Variants in MSRB3 observed in about 807,000 individuals in gnomAD.
The protein encoded by MSRB3 is methionine sulfoxide reductase B3.
A neutral mutation model predicts 21.0 loss-of-function variants in MSRB3; 13 were observed. The observed-to-expected ratio is 0.62, with a 90% confidence interval of 0.40 to 0.98. The LOEUF (loss-of-function observed/expected upper bound fraction) is 0.98. MSRB3 is among the 50% of genes least tolerant of loss of function. The pLI is 0.00. For missense variants in MSRB3, 199 were observed against 230.3 expected, an observed-to-expected ratio of 0.86 and a Z score of 0.88; for synonymous variants, 87 against 88.6, an observed-to-expected ratio of 0.98 and a Z score of 0.10.
At chr12:65,459,096 CACTTA>C (rs1489588741) in intron 6 of MSRB3, among the ~76,000 whole-genome samples, 2 of 144,250 alleles carry the variant, frequency 1.4e-5, no homozygotes, top group Admixed American at 1.4e-4. Flanking sequence ...ACTAATAAAT[CACTTA>C]ACTTTTTGTA....
At chr12:65,340,856 A>G (rs566598605) in intron 4 of MSRB3, among the ~76,000 whole-genome samples, 2 of 152,212 alleles carry the variant, frequency 1.3e-5, no homozygotes, top group African/African-American at 4.8e-5. Flanking sequence ...TCTAAAAATA[A>G]AATAATATAC....
chr12:65,369,683 A>G (rs1878213438), intron 5 of MSRB3, among the ~76,000 whole-genome samples: 1 of 152,164 alleles, frequency 6.6e-6, no homozygotes, highest in Non-Finnish European at 1.5e-5. Context: ...ATGTGCTTCA[A>G]AGTTTCTGAT....
intron 4 of MSRB3, among the ~76,000 whole-genome samples, chr12:65,333,607 C>CAG (rs1272914623): frequency 6.6e-6 from 1 of 152,134 alleles, no homozygotes; most frequent in African/African-American, 2.4e-5. Flanking sequence ...CCTTGGATGC[C>CAG]AGAGAAGGCA....
chr12:65,444,609 T>A (rs891875385), intron 5 of MSRB3, among the ~76,000 whole-genome samples: 3 of 152,196 alleles, frequency 2.0e-5, no homozygotes, highest in Non-Finnish European at 4.4e-5. Context: ...AACCTCATTG[T>A]GTTCTTCCTG....
At chr12:65,443,777 G>A (rs768394689) in intron 5 of MSRB3, among the ~76,000 whole-genome samples, 1 of 151,596 alleles carries the variant, frequency 6.6e-6, no homozygotes, top group African/African-American at 2.4e-5. Flanking sequence ...TCACATTGTT[G>A]TGCAACCATC....
chr12:65,360,460 G>A (rs1011340857), intron 4 of MSRB3, among the ~76,000 whole-genome samples: 1 of 151,974 alleles, frequency 6.6e-6, no homozygotes, highest in Non-Finnish European at 1.5e-5. Context: ...TATCAACAAG[G>A]CCTAGGGAAG....
intron 5 of MSRB3, among the ~76,000 whole-genome samples, chr12:65,376,788 C>G (rs1878649592): frequency 6.6e-6 from 1 of 151,978 alleles, no homozygotes; most frequent in Non-Finnish European, 1.5e-5. Flanking sequence ...ATGTAACAAA[C>G]CTGCATGTTC....
chr12:65,462,602 G>C (rs1162134743), intron 6 of MSRB3, among the ~76,000 whole-genome samples: 1 of 152,184 alleles, frequency 6.6e-6, no homozygotes, highest in Non-Finnish European at 1.5e-5. Flanking sequence ...TACATTTGCA[G>C]CCCTGGTGAC....
chr12:65,407,646 TC>T (rs1271509685), intron 5 of MSRB3, among the ~76,000 whole-genome samples: 1 of 152,220 alleles, frequency 6.6e-6, no homozygotes, highest in Admixed American at 6.5e-5. Flanking sequence ...TTTTCTCTGT[TC>T]CTTTTTGTCT....
intron 5 of MSRB3, among the ~76,000 whole-genome samples, chr12:65,434,721 A>G (rs777431431): frequency 2.6e-5 from 4 of 151,922 alleles, no homozygotes; most frequent in Admixed American, 6.6e-5. Flanking sequence ...AGTAAATAGG[A>G]GGCTCTTAAA....
chr12:65,376,441 C>G (rs1025077807), intron 5 of MSRB3, among the ~76,000 whole-genome samples: 2 of 152,288 alleles, frequency 1.3e-5, no homozygotes, highest in East Asian at 1.9e-4. Context: ...ATTACCATCC[C>G]TGTGTTGTCA....
At chr12:65,362,442 G>C (rs1317256221) in intron 4 of MSRB3, among the ~76,000 whole-genome samples, 1 of 152,124 alleles carries the variant, frequency 6.6e-6, no homozygotes, top group Admixed American at 6.6e-5. Flanking sequence ...GGGTTGCCAT[G>C]ATTGGCTTAG....
intron 3 of MSRB3, among the ~76,000 whole-genome samples, chr12:65,327,213 C>T (rs973723597): frequency 6.6e-6 from 1 of 152,158 alleles, no homozygotes; most frequent in Admixed American, 6.5e-5. Context: ...GTGGAAGTAA[C>T]AGCGATTTAG....
intron 1 of MSRB3, among the ~76,000 whole-genome samples, chr12:65,301,410 C>A (rs974064738): frequency 6.6e-6 from 1 of 152,142 alleles, no homozygotes; most frequent in African/African-American, 2.4e-5. Context: ...TAGGTAAAAT[C>A]TACACGGAAA....
chr12:65,394,009 G>A (rs1222042448), intron 5 of MSRB3, among the ~76,000 whole-genome samples: 1 of 151,862 alleles, frequency 6.6e-6, no homozygotes, highest in Non-Finnish European at 1.5e-5. Flanking sequence ...AAATAAGTAA[G>A]GTAAATTACT....
chr12:65,310,038 A>G (rs1487102570), intron 2 of MSRB3, among the ~76,000 whole-genome samples: 1 of 152,168 alleles, frequency 6.6e-6, no homozygotes, highest in East Asian at 1.9e-4. Context: ...CTGGTTTTTC[A>G]GATGTTTCTG....
At chr12:65,349,034 A>C (rs1876740857) in intron 4 of MSRB3, among the ~76,000 whole-genome samples, 1 of 151,980 alleles carries the variant, frequency 6.6e-6, no homozygotes, top group Non-Finnish European at 1.5e-5. Flanking sequence ...CATTAGGTAT[A>C]TCTCCCAGTG....
intron 2 of MSRB3, among the ~76,000 whole-genome samples, chr12:65,321,800 A>G (rs1306186088): frequency 2.6e-5 from 4 of 152,174 alleles, no homozygotes; most frequent in Non-Finnish European, 4.4e-5. Context: ...CCAGTGACAA[A>G]CTAATAACCA....
intron 4 of MSRB3, among the ~76,000 whole-genome samples, chr12:65,348,997 C>A (rs1452895339): frequency 6.6e-6 from 1 of 151,890 alleles, no homozygotes; most frequent in East Asian, 1.9e-4. Context: ...CATGCTGGTG[C>A]GCTGCACCCA....
Sources: gnomAD v4.1 joint callset for allele counts (sites outside exome capture counted in the v4.1 genomes callset) on GRCh38, gnomAD v4.1.1 for gene constraint, MANE v1.5 for transcripts, NCBI Gene and HGNC (gene_info 2026-07-23, HGNC 2026-07-21) for gene names.